Variants in PLCXD3 observed in about 807,000 individuals in gnomAD.
PLCXD3 encodes the protein PI-PLC X domain-containing protein 3.
PLCXD3 carries 19 observed loss-of-function variants against 25.5 expected under a neutral mutation model. That is an observed-to-expected ratio of 0.75 (90% CI 0.52 to 1.09). The LOEUF is 1.09. Among genes scored for constraint, PLCXD3 ranks in the 50% least tolerant of loss-of-function variants. PLCXD3 has a pLI of 0.00. For missense variants in PLCXD3, 411 were observed against 388.1 expected, an observed-to-expected ratio of 1.06 and a Z score of -0.50; for synonymous variants, 174 against 137.6, an observed-to-expected ratio of 1.26 and a Z score of -1.85.
chr5:41,500,007 T>C (rs1748919626), intron 1 of PLCXD3, among the ~76,000 whole-genome samples: 2 of 151,956 alleles, frequency 1.3e-5, no homozygotes, highest in African/African-American at 4.8e-5. Flanking sequence ...GGAAATAGTA[T>C]GGCTATTTCT....
At chr5:41,480,760 A>G (rs1326158724) in intron 1 of PLCXD3, among the ~76,000 whole-genome samples, 1 of 152,008 alleles carries the variant, frequency 6.6e-6, no homozygotes, top group Non-Finnish European at 1.5e-5. Flanking sequence ...GTCTCTACTA[A>G]AAATACAAAA....
At chr5:41,394,145 G>C (rs1255445778) in intron 1 of PLCXD3, among the ~76,000 whole-genome samples, 1 of 151,908 alleles carries the variant, frequency 6.6e-6, no homozygotes, top group Non-Finnish European at 1.5e-5. Context: ...TAAAAAGCAG[G>C]GAGACAAAGT....
At chr5:41,340,026 CTGTT>C (rs1218234491) in intron 2 of PLCXD3, among the ~76,000 whole-genome samples, 1 of 152,146 alleles carries the variant, frequency 6.6e-6, no homozygotes, top group Non-Finnish European at 1.5e-5. Context: ...AAATGGCTCT[CTGTT>C]TGTGTATGTG....
Position 41,313,666 on chromosome 5 carries a change from G to A in PLCXD3, c.917C>T (p.Thr306Ile), listed in dbSNP as rs751691040. 4 of 1,613,818 alleles carry A rather than the reference G, an allele frequency of 2.5e-6. No homozygotes were observed. The Admixed American group carries it at 6.7e-5, about 27-fold the overall frequency. ...AAAGACATAGTTGAGCTTTATGACA[G>A]TGCTGATAAAGTCACCAAGTTCTAC... Reference protein sequence around the residue: ...DFVELGDFISTVIKLNYVFDE... With the variant: ...DFVELGDFISIVIKLNYVFDE... The change falls in exon 3 of 3, where the codon ACT becomes ATT. Residue 306 changes from threonine to isoleucine, a missense_variant. Coordinates refer to ENST00000377801, the MANE Select transcript of PLCXD3 (RefSeq NM_001005473.3).
chr5:41,318,878 T>G (rs1743377333), intron 2 of PLCXD3, among the ~76,000 whole-genome samples: 1 of 151,992 alleles, frequency 6.6e-6, no homozygotes, highest in Admixed American at 6.5e-5. Context: ...AAGACACACA[T>G]AGACCGAAAA....
At chr5:41,406,012 T>G (rs1746340281) in intron 1 of PLCXD3, among the ~76,000 whole-genome samples, 1 of 152,214 alleles carries the variant, frequency 6.6e-6, no homozygotes, top group African/African-American at 2.4e-5. Context: ...GACATAAGTT[T>G]ATTCTATTAA....
chr5:41,466,278 A>C (rs375863309), intron 1 of PLCXD3, among the ~76,000 whole-genome samples: 2 of 152,130 alleles, frequency 1.3e-5, no homozygotes, highest in Non-Finnish European at 2.9e-5. Context: ...AAGTACATTA[A>C]AATGCTTATA....
chr5:41,385,177 G>T (rs1267081705), intron 1 of PLCXD3, among the ~76,000 whole-genome samples: 1 of 152,056 alleles, frequency 6.6e-6, no homozygotes, highest in Non-Finnish European at 1.5e-5. Flanking sequence ...GAGAGGAAAA[G>T]CCTAACCTCG....
chr5:41,458,201 T>C (rs113748369), intron 1 of PLCXD3, among the ~76,000 whole-genome samples: 1 of 151,908 alleles, frequency 6.6e-6, no homozygotes, highest in African/African-American at 2.4e-5. Flanking sequence ...GTCAGTGTAA[T>C]ACTTTAGAAA....
chr5:41,476,130 G>T (rs976265736), intron 1 of PLCXD3, among the ~76,000 whole-genome samples: 9 of 152,178 alleles, frequency 5.9e-5, no homozygotes, highest in African/African-American at 1.9e-4. Context: ...ATAAAATAGA[G>T]AAATCATAAG....
At chr5:41,490,700 A>G (rs1376106394) in intron 1 of PLCXD3, among the ~76,000 whole-genome samples, 2 of 152,164 alleles carry the variant, frequency 1.3e-5, no homozygotes, top group Non-Finnish European at 2.9e-5. Context: ...CATTTCTTCT[A>G]GATTTTCTAG....
chr5:41,442,276 G>A (rs1182872771), intron 1 of PLCXD3, among the ~76,000 whole-genome samples: 2 of 152,206 alleles, frequency 1.3e-5, no homozygotes, highest in African/African-American at 4.8e-5. Context: ...CACAAAGTAT[G>A]CACATGTGAC....
At chr5:41,489,610 C>A (rs1242916961) in intron 1 of PLCXD3, among the ~76,000 whole-genome samples, 1 of 150,794 alleles carries the variant, frequency 6.6e-6, no homozygotes, top group Non-Finnish European at 1.5e-5. Flanking sequence ...TTTCCTTGAG[C>A]AGTGGTTTGT....
chr5:41,462,299 C>T (rs554204543), intron 1 of PLCXD3, among the ~76,000 whole-genome samples: 8 of 151,874 alleles, frequency 5.3e-5, no homozygotes, highest in Non-Finnish European at 1.2e-4. Context: ...AGTGAGCTAA[C>T]GAAAGGTCAG....
intron 2 of PLCXD3, among the ~76,000 whole-genome samples, chr5:41,336,735 G>A (rs1743992841): frequency 6.6e-6 from 1 of 152,140 alleles, no homozygotes; most frequent in South Asian, 2.1e-4. Context: ...ATTGATGTCT[G>A]GGGAGGGGTG....
chr5:41,438,501 G>C (rs1747306991), intron 1 of PLCXD3, among the ~76,000 whole-genome samples: 1 of 152,212 alleles, frequency 6.6e-6, no homozygotes, highest in Non-Finnish European at 1.5e-5. Flanking sequence ...CATTTGCAGA[G>C]AGGAGAAGCC....
At chr5:41,384,363 T>G (rs1370281215) in intron 1 of PLCXD3, among the ~76,000 whole-genome samples, 1 of 152,086 alleles carries the variant, frequency 6.6e-6, no homozygotes, top group African/African-American at 2.4e-5. Flanking sequence ...CAAAGAAGTG[T>G]GTCTACAGAT....
chr5:41,399,613 A>G (rs754551858), intron 1 of PLCXD3, among the ~76,000 whole-genome samples: 40 of 152,292 alleles, frequency 2.6e-4, no homozygotes, highest in Non-Finnish European at 5.1e-4. Context: ...TATCTTCCAT[A>G]AATAGTTCTG....
At chr5:41,494,650 A>T (rs186743612) in intron 1 of PLCXD3, among the ~76,000 whole-genome samples, 1 of 152,190 alleles carries the variant, frequency 6.6e-6, no homozygotes, top group Admixed American at 6.5e-5. Flanking sequence ...TTTCTATAGG[A>T]AATTCAAATG....
Sources: allele counts gnomAD v4.1 joint callset (sites outside exome capture counted in the v4.1 genomes callset), GRCh38; gene constraint gnomAD v4.1.1; transcripts MANE v1.5; gene names NCBI Gene and HGNC (gene_info 2026-07-23, HGNC 2026-07-21).